The following DCUN1D4 variants were observed in gnomAD, a reference collection of about 807,000 sequenced individuals.
DCUN1D4 encodes the protein defective in cullin neddylation 1 domain containing 4, also known as DCN1-like protein 4.
In DCUN1D4, 22 loss-of-function variants were observed where a neutral mutation model predicts 47.9. The observed-to-expected ratio is 0.46, with a 90% CI of 0.33 to 0.66. DCUN1D4 has a LOEUF of 0.66. DCUN1D4 is among the 30% of genes least tolerant of loss of function. The pLI is 0.02. For missense variants in DCUN1D4, 301 were observed against 340.8 expected (o/e 0.88, Z 0.92); for synonymous variants, 121 against 112.2 (o/e 1.08, Z -0.50).
chr4:51,873,354 A>G (rs891892759), intron 3 of DCUN1D4, among the ~76,000 whole-genome samples: 1 of 152,226 alleles, frequency 6.6e-6, no homozygotes, highest in Non-Finnish European at 1.5e-5. Flanking sequence ...GAACCAAATG[A>G]CATAATATAT....
rs1387796086 is a variant in DCUN1D4 at position 51,871,899 on chromosome 4, G to A, written c.137-2372G>A. ...AGCATTTTACAGGGAAGATGAATGG[G>A]GTGTGTGGGGTGGTGGGCAGCACTC... On this transcript the variant is annotated intron_variant, in intron 3 of 10. Coordinates refer to ENST00000334635, the MANE Select transcript of DCUN1D4 (RefSeq NM_001040402.3). Among the ~76,000 whole-genome samples, 3 of 152,180 alleles carry A rather than the reference G, an allele frequency of 2.0e-5. No individual in the cohort carries two copies. In the East Asian group the frequency reaches 5.8e-4, roughly 29 times the overall value.
At chr4:51,894,999 T>C (rs1053320281) in intron 7 of DCUN1D4, among the ~76,000 whole-genome samples, 1 of 152,074 alleles carries the variant, frequency 6.6e-6, no homozygotes, top group Admixed American at 6.6e-5. Context: ...TCTAACTGGG[T>C]CCTCCCATGT....
intron 5 of DCUN1D4, among the ~76,000 whole-genome samples, chr4:51,883,222 G>C (rs985557702): frequency 1.3e-5 from 2 of 152,198 alleles, no homozygotes; most frequent in Admixed American, 6.5e-5. Context: ...ACCCATGTGC[G>C]TAGGTGAACA....
At chr4:51,836,882 T>A in the DCUN1D4 span, among the ~76,000 whole-genome samples, 1 of 152,168 alleles carries the variant, frequency 6.6e-6, no homozygotes, top group Non-Finnish European at 1.5e-5. Flanking sequence ...GGGTCTCCTG[T>A]ACTGCCCTGA....
At chr4:51,901,662 G>C (rs1732140569) in intron 8 of DCUN1D4, among the ~76,000 whole-genome samples, 1 of 152,168 alleles carries the variant, frequency 6.6e-6, no homozygotes. Context: ...GTCGGGGTGG[G>C]ATTGTGCTGG....
intron 5 of DCUN1D4, chr4:51,885,054 G>T (rs573519187): frequency 6.6e-6 from 1 of 152,292 alleles, no homozygotes; most frequent in South Asian, 2.1e-4. Flanking sequence ...TTGGAAAGAT[G>T]TAAGACTGAA....
At chr4:51,834,508 G>A in the DCUN1D4 span, among the ~76,000 whole-genome samples, 1 of 152,082 alleles carries the variant, frequency 6.6e-6, no homozygotes. Flanking sequence ...CATTAAAATA[G>A]AATAATCTTG....
chr4:51,878,995 CA>C, intron 5 of DCUN1D4, among the ~76,000 whole-genome samples: 1 of 152,302 alleles, frequency 6.6e-6, no homozygotes, highest in African/African-American at 2.4e-5. Flanking sequence ...GCCAGTCAGA[CA>C]AATCTTCACA....
Position 51,843,804 on chromosome 4 carries a change from T to TTG in DCUN1D4, c.25+537_25+538insTG, listed in dbSNP as rs1224152609. 3 of 21,226 alleles carry TTG rather than the reference T, an allele frequency of 1.4e-4. No individual in the cohort carries two copies. The East Asian group carries it at 5.1e-3, about 36-fold the overall frequency. The allele number at this position is 21,226 out of a possible 1,614,324, so 1.3% of individuals were successfully genotyped here. On this transcript the variant is annotated intron_variant, in intron 1 of 10. Transcript: ENST00000334635. The stretch of plus-strand genomic sequence containing the variant: ...GAAGAAGGGCTGGTTGGCGGGGGGG[T>TTG]GGGGGGGGGGCGGCGAACAATGGGG...
chr4:51,876,320 A>G, intron 4 of DCUN1D4, among the ~76,000 whole-genome samples: 2 of 152,080 alleles, frequency 1.3e-5, no homozygotes, highest in Non-Finnish European at 1.5e-5. Flanking sequence ...CGCAAGGACA[A>G]AAAACCAAAC....
chr4:51,868,542 A>G (rs1239404349), intron 3 of DCUN1D4, among the ~76,000 whole-genome samples: 1 of 152,236 alleles, frequency 6.6e-6, no homozygotes, highest in African/African-American at 2.4e-5. Context: ...CCAACAGAGT[A>G]TACTTTAAAA....
intron 4 of DCUN1D4, among the ~76,000 whole-genome samples, chr4:51,875,651 A>G (rs1487590836): frequency 6.6e-6 from 1 of 152,208 alleles, no homozygotes; most frequent in East Asian, 1.9e-4. Flanking sequence ...ATGCCCATTC[A>G]GCCACTCCCA....
intron 1 of DCUN1D4, among the ~76,000 whole-genome samples, chr4:51,858,473 G>T (rs1350430574): frequency 6.6e-6 from 1 of 152,196 alleles, no homozygotes; most frequent in Non-Finnish European, 1.5e-5. Context: ...AAGGCCCTGA[G>T]CCCATGATAA....
chr4:51,874,289 G>T lies in DCUN1D4; in HGVS notation c.155G>T (p.Ser52Ile). Residue 52 changes from serine to isoleucine, a missense_variant, in exon 4 of 11, where the codon AGT becomes ATT. Physicochemically the swap from Ser to Ile is moderately radical, Grantham distance 142 (BLOSUM62 -2). This residue lies in a region of DCUN1D4 where 131 missense variants were observed against 106.3 expected (regional missense o/e 1.23). Coordinates refer to ENST00000334635, the MANE Select transcript of DCUN1D4 (RefSeq NM_001040402.3). ...DHQTGSLRSC[S>I]SSDCFNKVMP... ...TTTGTAGGAAGTCTGCGGTCTTGCAGTTCTTCAGACTGCTTTAATAAAGTG... is the reference window on the plus strand; with the variant it reads ...TTTGTAGGAAGTCTGCGGTCTTGCATTTCTTCAGACTGCTTTAATAAAGTG... 1 of 1,612,012 alleles carries T rather than the reference G, an allele frequency of 6.2e-7. No homozygotes were observed. Among genetic ancestry groups the T allele is most frequent in the Non-Finnish European group, 8.5e-7 (1 of 1,179,340 alleles).
At chr4:51,875,057 C>G (rs562358533) in intron 4 of DCUN1D4, 28 of 152,172 alleles carry the variant, frequency 1.8e-4, no homozygotes, top group Admixed American at 1.5e-3. Context: ...CCCATTCTGG[C>G]TTTGTGGGTC....
intron 3 of DCUN1D4, among the ~76,000 whole-genome samples, chr4:51,868,732 G>T (rs973080101): frequency 1.3e-5 from 2 of 152,114 alleles, no homozygotes; most frequent in East Asian, 3.9e-4. Context: ...CCTTTCTTTT[G>T]TGTGTCACAA....
chr4:51,901,536 G>T (rs1266385942), intron 8 of DCUN1D4, among the ~76,000 whole-genome samples: 1 of 152,276 alleles, frequency 6.6e-6, no homozygotes, highest in South Asian at 2.1e-4. Context: ...GGAGTGCTGG[G>T]CCCTTGCCTA....
At position 51,843,277 on chromosome 4, in the gene DCUN1D4, A is replaced by G. The variant is rs529021293; in HGVS notation, c.25+10A>G. The G allele has an allele frequency of 2.9e-5, 45 of 1,534,584 alleles. No individual in the cohort carries two copies. In the African/African-American group the frequency reaches 5.3e-4, roughly 18 times the overall value. Reference sequence around the variant, plus strand: ...GATGCCGCCGCTGTCAGTGAGTAGCAGAGAGCCAGCCAGCGGGCCGGGGCC... The same window carrying G: ...GATGCCGCCGCTGTCAGTGAGTAGCGGAGAGCCAGCCAGCGGGCCGGGGCC... On this transcript the variant is annotated intron_variant, in intron 1 of 10. Coordinates refer to ENST00000334635, the MANE Select transcript of DCUN1D4 (RefSeq NM_001040402.3).
At chr4:51,837,437 G>A in the DCUN1D4 span, among the ~76,000 whole-genome samples, 1 of 152,014 alleles carries the variant, frequency 6.6e-6, no homozygotes, top group Non-Finnish European at 1.5e-5. Context: ...GGAGGCCGAG[G>A]CGGGCGGATC....
Sources: allele counts gnomAD v4.1 joint callset (sites outside exome capture counted in the v4.1 genomes callset), GRCh38; gene constraint gnomAD v4.1.1; regional missense constraint gnomAD v4.1.1; transcripts MANE v1.5; gene names NCBI Gene and HGNC (gene_info 2026-07-23, HGNC 2026-07-21).